The following ANO3 variants were observed in gnomAD, a reference collection of about 807,000 sequenced individuals.
ANO3 encodes the protein anoctamin-3.
In ANO3, 99 loss-of-function variants were observed where a neutral mutation model predicts 144.8. The observed-to-expected ratio is 0.68, with a 90% CI of 0.58 to 0.81. The LOEUF is 0.81. Ranked by LOEUF, ANO3 falls within the 30% of genes least tolerant of loss-of-function variation. The probability of loss-of-function intolerance (pLI) is 0.00; values close to 1 mark genes in which losing one functional copy is unlikely to be tolerated. For synonymous variants in ANO3, 414 were observed against 392.6 expected, an observed-to-expected ratio of 1.05 and a Z score of -0.64; for missense variants, 905 against 1,202.2, an observed-to-expected ratio of 0.75 and a Z score of 3.66.
In ANO3 at chr11:26,525,671, A is replaced by G; in HGVS notation, c.729A>G (p.Ser243=). 2 of 1,610,362 alleles carry G rather than the reference A, an allele frequency of 1.2e-6. No homozygotes were observed. Among genetic ancestry groups the G allele is most frequent in the Non-Finnish European group, 1.7e-6 (2 of 1,178,366 alleles). The part of the protein sequence containing the change: ...KCYYTDGRSK[S]MGRMQTYFRR... ...ATTACACTGACGGGAGGAGCAAATC[A>G]ATGGGCAGGTTGGTGGGTGATGAAT... is the stretch of plus-strand genomic sequence containing the variant. The change falls in exon 7 of 27, where the codon TCA becomes TCG. Residue 243 remains serine, a synonymous_variant. Coordinates refer to ENST00000256737, the MANE Select transcript of ANO3 (RefSeq NM_031418.4).
At chr11:26,405,201 G>C (rs534901830) in intron 1 of ANO3, among the ~76,000 whole-genome samples, 1 of 151,562 alleles carries the variant, frequency 6.6e-6, no homozygotes, top group Non-Finnish European at 1.5e-5. Context: ...AATTTCATTA[G>C]GTAAAATATA....
upstream of ANO3, among the ~76,000 whole-genome samples, chr11:26,328,215 T>C (rs1411049630): frequency 6.6e-6 from 1 of 152,210 alleles, no homozygotes; most frequent in Non-Finnish European, 1.5e-5. Flanking sequence ...AGGATGAATC[T>C]ACTTAATTCT....
upstream of ANO3, among the ~76,000 whole-genome samples, chr11:26,308,512 A>G (rs908907688): frequency 1.4e-4 from 21 of 152,254 alleles, no homozygotes; most frequent in African/African-American, 5.1e-4. Context: ...CAGATATTTT[A>G]CAGAATTTTT....
intron 1 of ANO3, among the ~76,000 whole-genome samples, chr11:26,230,634 T>C (rs1206772768): frequency 6.6e-6 from 1 of 151,230 alleles, no homozygotes; most frequent in Non-Finnish European, 1.5e-5. Context: ...CCGTCTCTAC[T>C]AGAAATACAA....
At chr11:26,467,657 CTT>C (rs71047851) in intron 4 of ANO3, among the ~76,000 whole-genome samples, 2 of 145,690 alleles carry the variant, frequency 1.4e-5, no homozygotes, top group Admixed American at 6.9e-5. Context: ...ATATGTTCCA[CTT>C]TTTTTTTTTT....
At chr11:26,519,633 G>A (rs1235229258) in intron 6 of ANO3, among the ~76,000 whole-genome samples, 2 of 152,084 alleles carry the variant, frequency 1.3e-5, no homozygotes, top group African/African-American at 2.4e-5. Context: ...TAGAAGGAGG[G>A]CTAGCTAGCT....
intron 1 of ANO3, among the ~76,000 whole-genome samples, chr11:26,282,721 C>T (rs1338123343): frequency 6.6e-6 from 1 of 152,170 alleles, no homozygotes; most frequent in Middle Eastern, 3.4e-3. Context: ...TATCATCTTA[C>T]CAAGCATCAG....
intron 1 of ANO3, among the ~76,000 whole-genome samples, chr11:26,368,488 A>C (rs1315383265): frequency 6.6e-6 from 1 of 152,178 alleles, no homozygotes; most frequent in East Asian, 1.9e-4. Context: ...TTTGATTTTT[A>C]CCTAGTTTTA....
chr11:26,450,828 T>C (rs529326157), intron 3 of ANO3, among the ~76,000 whole-genome samples: 1 of 152,178 alleles, frequency 6.6e-6, no homozygotes, highest in Non-Finnish European at 1.5e-5. Context: ...AACAATGCAA[T>C]GTAACGGAGT....
At chr11:26,457,088 G>T (rs553951645) in intron 3 of ANO3, among the ~76,000 whole-genome samples, 2 of 115,134 alleles carry the variant, frequency 1.7e-5, no homozygotes, top group South Asian at 3.7e-4. Context: ...GGTGGGGGGA[G>T]GGGGGAGGGA....
intron 24 of ANO3, among the ~76,000 whole-genome samples, chr11:26,650,409 C>T (rs1427206423): frequency 1.3e-5 from 2 of 152,140 alleles, no homozygotes; most frequent in Admixed American, 1.3e-4. Flanking sequence ...GGCAGTCCTT[C>T]TTAACATGTG....
At chr11:26,337,564 T>G (rs1034633995) in intron 1 of ANO3, among the ~76,000 whole-genome samples, 1 of 152,188 alleles carries the variant, frequency 6.6e-6, no homozygotes, top group Non-Finnish European at 1.5e-5. Flanking sequence ...TAAACCAATT[T>G]ATCAAAAGAT....
At chr11:26,276,037 C>T (rs140458521) in intron 1 of ANO3, among the ~76,000 whole-genome samples, 3 of 152,134 alleles carry the variant, frequency 2.0e-5, no homozygotes, top group South Asian at 2.1e-4. Flanking sequence ...CTAGAGTTAG[C>T]GGCCAAATAT....
intron 1 of ANO3, among the ~76,000 whole-genome samples, chr11:26,384,676 T>C (rs189038468): frequency 6.6e-6 from 1 of 152,328 alleles, no homozygotes; most frequent in Admixed American, 6.5e-5. Flanking sequence ...GTTCCTGTAA[T>C]ATAATGATAT....
At chr11:26,342,881 G>A (rs1855401311) in intron 1 of ANO3, among the ~76,000 whole-genome samples, 2 of 151,900 alleles carry the variant, frequency 1.3e-5, no homozygotes, top group African/African-American at 4.8e-5. Context: ...AATAAGGATT[G>A]TATATATATT....
intron 1 of ANO3, chr11:26,208,417 G>GCAGGAGAATGGCGTGAAC (rs1300458295): frequency 1.1e-3 from 163 of 152,236 alleles, no homozygotes; most frequent in African/African-American, 3.8e-3. Context: ...AGAGGCTGAG[G>GCAGGAGAATGGCGTGAAC]CAGGAGAATG....
rs117824214 is a variant in ANO3, at chr11:26,516,520, C to G, written c.592-307C>G. Among the ~76,000 whole-genome samples, 20 of 151,840 alleles carry G rather than the reference C, an allele frequency of 1.3e-4. No individual in the cohort carries two copies. The East Asian group carries it at 3.1e-3, about 24-fold the overall frequency. ...ATGATAAAAAGCCCATCAAAAATAA[C>G]TTCAGATTTTTAATTGGCTCATGAT... On this transcript the variant is annotated intron_variant, in intron 5 of 26. Transcript: ENST00000256737.
intron 1 of ANO3, among the ~76,000 whole-genome samples, chr11:26,270,769 CTA>C (rs1853421476): frequency 6.6e-6 from 1 of 152,200 alleles, no homozygotes. Context: ...GGCAGCTACA[CTA>C]CAATCTGCTG....
chr11:26,199,119 T>C (rs1175390925), intron 1 of ANO3, among the ~76,000 whole-genome samples: 1 of 152,096 alleles, frequency 6.6e-6, no homozygotes, highest in African/African-American at 2.4e-5. Context: ...ACTTTTTTTT[T>C]TTTCCTGTTC....
Sources: allele counts gnomAD v4.1 joint callset (sites outside exome capture counted in the v4.1 genomes callset), GRCh38; gene constraint gnomAD v4.1.1; transcripts MANE v1.5; gene names NCBI Gene and HGNC (gene_info 2026-07-23, HGNC 2026-07-21).